CDH13: variants seen among roughly 807,000 people sequenced by gnomAD.
CDH13 encodes the protein cadherin-13.
CDH13 carries 24 observed loss-of-function variants against 63.8 expected under a neutral mutation model. The ratio of observed to expected loss-of-function variants is 0.38; its 90% confidence interval spans 0.27 to 0.53. The LOEUF (loss-of-function observed/expected upper bound fraction) is 0.53, where lower values mean the gene tolerates loss of function less well. Ranked by LOEUF, CDH13 falls within the 20% of genes least tolerant of loss-of-function variation. The pLI is 0.85. For synonymous variants in CDH13, 503 were observed against 355.3 expected (o/e 1.42, Z -4.67); for missense variants, 1,049 against 903.1 (o/e 1.16, Z -2.07).
At chr16:83,302,618 G>C (rs980813164) in intron 5 of CDH13, among the ~76,000 whole-genome samples, 4 of 152,168 alleles carry the variant, frequency 2.6e-5, no homozygotes, top group Non-Finnish European at 5.9e-5. Flanking sequence ...TATTTACCAG[G>C]AATTAGGGGA....
At chr16:83,083,845 C>T (rs936431348) in intron 3 of CDH13, among the ~76,000 whole-genome samples, 1 of 152,166 alleles carries the variant, frequency 6.6e-6, no homozygotes, top group South Asian at 2.1e-4. Flanking sequence ...CAGCTATTAT[C>T]CCACCCATTT....
intron 1 of CDH13, among the ~76,000 whole-genome samples, chr16:82,838,349 C>A (rs542328239): frequency 6.6e-6 from 1 of 152,290 alleles, no homozygotes; most frequent in Non-Finnish European, 1.5e-5. Flanking sequence ...CTAGTGTCCA[C>A]TATAGGGATG....
intron 8 of CDH13, among the ~76,000 whole-genome samples, chr16:83,629,248 G>T (rs560418074): frequency 6.6e-6 from 1 of 152,176 alleles, no homozygotes; most frequent in Admixed American, 6.5e-5. Context: ...AAGAAGTTTT[G>T]CTGGCTTCTG....
At chr16:83,070,803 A>T (rs1462487200) in intron 3 of CDH13, among the ~76,000 whole-genome samples, 2 of 151,900 alleles carry the variant, frequency 1.3e-5, no homozygotes, top group South Asian at 2.1e-4. Flanking sequence ...GAGTTGTCTT[A>T]AGCAATAGTA....
At chr16:83,506,377 A>G (rs2074395207) in intron 7 of CDH13, among the ~76,000 whole-genome samples, 2 of 152,196 alleles carry the variant, frequency 1.3e-5, no homozygotes, top group South Asian at 4.1e-4. Context: ...TCAAATCCCA[A>G]CAGATGAAAG....
chr16:82,673,522 G>A (rs1319976981), intron 1 of CDH13, among the ~76,000 whole-genome samples: 1 of 152,164 alleles, frequency 6.6e-6, no homozygotes, highest in Non-Finnish European at 1.5e-5. Flanking sequence ...CCCAGCCCTG[G>A]TGGAGCTTAA....
At chr16:82,681,304 A>C (rs1415367867) in intron 1 of CDH13, among the ~76,000 whole-genome samples, 1 of 152,206 alleles carries the variant, frequency 6.6e-6, no homozygotes, top group South Asian at 2.1e-4. Context: ...AGGCAATTCC[A>C]TGGACACAGA....
In CDH13 at chr16:83,123,384, A is replaced by G. The variant is rs555075421; in HGVS notation, c.367-2001A>G. On this transcript the variant is annotated intron_variant, in intron 3 of 13. Coordinates refer to ENST00000567109, the MANE Select transcript of CDH13 (RefSeq NM_001257.5). ...AACCTCTGACTCTTGGGTTCAAGTGATTCTCCTGCCTCAGCCTCATGAATA... is the reference window on the plus strand; with the variant it reads ...AACCTCTGACTCTTGGGTTCAAGTGGTTCTCCTGCCTCAGCCTCATGAATA... Among the ~76,000 whole-genome samples, 12 of 151,992 alleles carry G rather than the reference A, an allele frequency of 7.9e-5. No homozygotes were observed. In the South Asian group the frequency reaches 1.9e-3, roughly 24 times the overall value.
At chr16:82,874,072 G>A (rs965814616) in intron 2 of CDH13, among the ~76,000 whole-genome samples, 50 of 151,946 alleles carry the variant, frequency 3.3e-4, no homozygotes, top group Non-Finnish European at 5.3e-4. Flanking sequence ...TGTATTACAC[G>A]ATTCTACGAG....
chr16:83,576,877 A>G (rs1332774021), intron 7 of CDH13, among the ~76,000 whole-genome samples: 1 of 152,214 alleles, frequency 6.6e-6, no homozygotes, highest in African/African-American at 2.4e-5. Flanking sequence ...AATGTTGCCT[A>G]CATCTTCTGG....
At chr16:83,771,202 T>C (rs1286379326) in intron 11 of CDH13, among the ~76,000 whole-genome samples, 4 of 152,164 alleles carry the variant, frequency 2.6e-5, no homozygotes, top group Non-Finnish European at 5.9e-5. Flanking sequence ...CCTGCTTCTC[T>C]TAGAAAACGC....
intron 1 of CDH13, among the ~76,000 whole-genome samples, chr16:82,773,067 G>C (rs1225982846): frequency 1.3e-5 from 2 of 152,164 alleles, no homozygotes; most frequent in African/African-American, 4.8e-5. Flanking sequence ...AAATCTCATC[G>C]AGGGATGGAA....
intron 5 of CDH13, among the ~76,000 whole-genome samples, chr16:83,273,767 T>C (rs989343405): frequency 6.6e-6 from 1 of 152,154 alleles, no homozygotes; most frequent in African/African-American, 2.4e-5. Context: ...ACTACATAGG[T>C]ATCGTGTTTT....
At chr16:83,010,935 A>G (rs1597402540) in intron 2 of CDH13, among the ~76,000 whole-genome samples, 1 of 152,206 alleles carries the variant, frequency 6.6e-6, no homozygotes, top group Non-Finnish European at 1.5e-5. Context: ...CTCAAACCAG[A>G]TGGCTCCTTC....
chr16:83,449,721 C>T (rs1427556433), intron 6 of CDH13, among the ~76,000 whole-genome samples: 1 of 152,190 alleles, frequency 6.6e-6, no homozygotes, highest in Non-Finnish European at 1.5e-5. Context: ...CCCTGTTCTG[C>T]AACTTGCCTA....
In CDH13 at chr16:82,666,932, A is replaced by G. The variant is rs146763142; in HGVS notation, c.45+39795A>G. 2.0e-5 allele frequency among the ~76,000 whole-genome samples: 3 copies of G among 152,304 alleles called. No homozygotes were observed. The East Asian group carries it at 5.8e-4, about 29-fold the overall frequency. Reference sequence around the variant, plus strand: ...ACAACAGAGAAATGATGTAAAATGCAGTGTGTAGTTTCTGCCCCTGAGATG... The same window carrying G: ...ACAACAGAGAAATGATGTAAAATGCGGTGTGTAGTTTCTGCCCCTGAGATG... On this transcript the variant is annotated intron_variant, in intron 1 of 13. Transcript: ENST00000567109.
intron 2 of CDH13, among the ~76,000 whole-genome samples, chr16:82,991,815 G>A (rs1911690589): frequency 6.6e-6 from 1 of 151,300 alleles, no homozygotes; most frequent in Non-Finnish European, 1.5e-5. Flanking sequence ...GAACATAGTT[G>A]AGGAAGAGGG....
chr16:83,046,918 G>A (rs1261628791), intron 3 of CDH13, among the ~76,000 whole-genome samples: 2 of 152,140 alleles, frequency 1.3e-5, no homozygotes, highest in African/African-American at 4.8e-5. Context: ...ATCCAAGAGA[G>A]GGCTTTCCCT....
chr16:83,713,986 A>T (rs936941727), intron 10 of CDH13, among the ~76,000 whole-genome samples: 1 of 152,194 alleles, frequency 6.6e-6, no homozygotes, highest in African/African-American at 2.4e-5. Context: ...AGTATTCTCC[A>T]AAATTCCTGG....
Sources: gnomAD v4.1 joint callset for allele counts (sites outside exome capture counted in the v4.1 genomes callset) on GRCh38, gnomAD v4.1.1 for gene constraint, MANE v1.5 for transcripts, NCBI Gene and HGNC (gene_info 2026-07-23, HGNC 2026-07-21) for gene names.